The following PLCH1 variants were observed in gnomAD, a reference collection of about 807,000 sequenced individuals.
The protein encoded by PLCH1 is phospholipase C eta 1.
In PLCH1, 60 loss-of-function variants were observed where a neutral mutation model predicts 126.7. The ratio of observed to expected loss-of-function variants is 0.47; its 90% CI spans 0.38 to 0.59. The LOEUF is 0.59. PLCH1 is among the 20% of genes least tolerant of loss of function. PLCH1 has a pLI of 0.00. For missense variants in PLCH1, 1,723 were observed against 2,040.0 expected, an observed-to-expected ratio of 0.84 and a Z score of 2.99; for synonymous variants, 719 against 734.9, an observed-to-expected ratio of 0.98 and a Z score of 0.35.
At chr3:155,538,748 T>C (rs1403921298) in intron 10 of PLCH1, among the ~76,000 whole-genome samples, 1 of 151,784 alleles carries the variant, frequency 6.6e-6, no homozygotes. Context: ...CCGACTGAAA[T>C]GCTAATAAAA....
intron 2 of PLCH1, chr3:155,676,297 T>C (rs1300530666): frequency 1.7e-6 from 2 of 1,151,888 alleles, no homozygotes; most frequent in Non-Finnish European, 2.1e-6. Flanking sequence ...CACAGCCAGA[T>C]AAGCACGCTG....
intron 2 of PLCH1, among the ~76,000 whole-genome samples, chr3:155,680,154 G>C (rs1373191423): frequency 1.3e-5 from 2 of 152,178 alleles, no homozygotes; most frequent in Non-Finnish European, 2.9e-5. Flanking sequence ...GGAGGCTGAG[G>C]AGGGCAGATC....
chr3:155,593,840 A>G (rs1307666346), intron 4 of PLCH1, 101 bp downstream of exon 4: 27 of 1,218,620 alleles, frequency 2.2e-5, no homozygotes, highest in African/African-American at 3.0e-5. Context: ...AAGGAAAATT[A>G]TGGGAAAAAT....
chr3:155,458,467 AAAG>A (rs1466972366), intron 21 of PLCH1, among the ~76,000 whole-genome samples: 3 of 107,410 alleles, frequency 2.8e-5, no homozygotes, highest in African/African-American at 2.4e-4. Flanking sequence ...AGAAAGAAAG[AAAG>A]AAAGAAAGAA....
In PLCH1 at chr3:155,482,351, G is replaced by A; in HGVS notation, c.3675C>T (p.Gly1225=). 1 of 1,614,150 alleles carries A rather than the reference G, an allele frequency of 6.2e-7. No homozygotes were observed. The highest frequency in any genetic ancestry group is 8.5e-7 in the Non-Finnish European group (1 of 1,180,024). ...MSGHCPLPSL[G]LKMPIKHGFC... ...AACCATGCTTGATGGGCATTTTTAG[G>A]CCCAGGCTAGGCAAGGGACAATGGC... Residue 1225 remains glycine, a synonymous_variant, in exon 23 of 23, where the codon GGC becomes GGT. Transcript: ENST00000460012.
intron 9 of PLCH1, among the ~76,000 whole-genome samples, chr3:155,553,019 T>G (rs1318132337): frequency 6.6e-6 from 1 of 152,068 alleles, no homozygotes; most frequent in Non-Finnish European, 1.5e-5. Flanking sequence ...CCTTGGGGAG[T>G]AAGCTCCTTA....
intron 2 of PLCH1, among the ~76,000 whole-genome samples, chr3:155,642,010 TTAATA>T (rs1739454627): frequency 6.6e-6 from 1 of 152,304 alleles, no homozygotes; most frequent in African/African-American, 2.4e-5. Context: ...AGTGAATGCA[TTAATA>T]TAATAATAAA....
chr3:155,482,374 G>A lies in PLCH1; in HGVS notation c.3652C>T (p.His1218Tyr). Residue 1218 changes from histidine (H) to tyrosine (Y), a missense_variant, in exon 23 of 23, where the codon CAT (histidine) becomes TAT (tyrosine). His to Tyr is a moderately conservative substitution (Grantham distance 83, BLOSUM62 2). Coordinates refer to ENST00000460012, the MANE Select transcript of PLCH1 (RefSeq NM_014996.4). ...AGGCCCAGGCTAGGCAAGGGACAAT[G>A]GCCTGACATCACACTGGTATTATGA... Reference protein sequence around the residue: ...HLHNTSVMSGHCPLPSLGLKM... With the variant: ...HLHNTSVMSGYCPLPSLGLKM... 6.2e-7 allele frequency: 1 copy of A among 1,614,076 alleles called. No homozygotes were observed. The highest frequency in any genetic ancestry group is 8.5e-7 in the Non-Finnish European group (1 of 1,179,952).
intron 18 of PLCH1, 24 bp from the exon 19 acceptor site, chr3:155,490,892 A>G: frequency 8.2e-7 from 1 of 1,224,922 alleles, no homozygotes; most frequent in Non-Finnish European, 1.2e-6. Flanking sequence ...AGAAAGTACT[A>G]TTACAAATAA....
At chr3:155,716,587 G>A (rs1345070743) in intron 1 of PLCH1, among the ~76,000 whole-genome samples, 2 of 152,250 alleles carry the variant, frequency 1.3e-5, no homozygotes, top group East Asian at 1.9e-4. Flanking sequence ...AAGAGAATAC[G>A]ATGGGGGGTG....
chr3:155,480,777 G>T lies in PLCH1; in HGVS notation c.*191C>A. Reference sequence around the variant, plus strand: ...ACTCAAGGGAGAAAGATCATAATAGGTACATGGGAAATGTCACCAAATCTA... The same window carrying T: ...ACTCAAGGGAGAAAGATCATAATAGTTACATGGGAAATGTCACCAAATCTA... On this transcript the variant is annotated 3_prime_UTR_variant, in exon 23 of 23. Transcript: ENST00000460012. The T allele has an allele frequency of 1.7e-6, 1 of 577,124 alleles. No homozygotes were observed. The highest frequency in any genetic ancestry group is 3.1e-6 in the Non-Finnish European group (1 of 326,480). 35.8% of individuals were successfully genotyped at this position (577,124 alleles called of 1,614,324 possible). A position where few individuals can be genotyped will look rare whatever the true frequency, so the allele number is the denominator to read the frequency against.
intron 7 of PLCH1, among the ~76,000 whole-genome samples, chr3:155,565,776 A>C (rs1377679542): frequency 6.7e-6 from 1 of 149,712 alleles, no homozygotes; most frequent in Admixed American, 6.7e-5. Flanking sequence ...GCTCACTGCA[A>C]CCTCCGCCTC....
Position 155,701,186 on chromosome 3 carries a change from G to A in PLCH1, c.79+2960C>T, listed in dbSNP as rs562207275. The stretch of plus-strand genomic sequence containing the variant: ...TGAAATAGTAGGTAGATAAAAGGCC[G>A]GACATAAGCAGACTCTTAACAGTAG... On this transcript the variant is annotated intron_variant, in intron 2 of 22. Coordinates refer to ENST00000460012, the MANE Select transcript of PLCH1 (RefSeq NM_014996.4). Among the ~76,000 whole-genome samples the A allele has an allele frequency of 2.6e-5, 4 of 152,116 alleles. No individual in the cohort carries two copies. The South Asian group carries it at 8.3e-4, about 32-fold the overall frequency.
chr3:155,689,965 A>G (rs974715838), intron 2 of PLCH1, among the ~76,000 whole-genome samples: 47 of 152,050 alleles, frequency 3.1e-4, no homozygotes, highest in Non-Finnish European at 2.1e-4. Flanking sequence ...AAATAAGACT[A>G]TCTCAAAGCA....
chr3:155,724,554 TA>T (rs1748173359), intron 1 of PLCH1, among the ~76,000 whole-genome samples: 1 of 152,226 alleles, frequency 6.6e-6, no homozygotes, highest in Admixed American at 6.5e-5. Flanking sequence ...GATATAACAG[TA>T]GCTACTCTTG....
At chr3:155,741,564 G>C (rs1423007342) in intron 1 of PLCH1, among the ~76,000 whole-genome samples, 1 of 151,862 alleles carries the variant, frequency 6.6e-6, no homozygotes, top group Non-Finnish European at 1.5e-5. Context: ...TGTCATGGCT[G>C]TAATGGATTT....
At chr3:155,493,570 G>T (rs879284175) in intron 17 of PLCH1, among the ~76,000 whole-genome samples, 26 of 152,224 alleles carry the variant, frequency 1.7e-4, no homozygotes, top group Admixed American at 1.6e-3. Flanking sequence ...ATTTTCAGTA[G>T]AGACGGCGTT....
chr3:155,692,553 T>TTTTTGTTTTG (rs140149730), intron 2 of PLCH1, among the ~76,000 whole-genome samples: 11 of 150,660 alleles, frequency 7.3e-5, no homozygotes, highest in East Asian at 6.0e-4. Flanking sequence ...ACCATCATTG[T>TTTTTGTTTTG]TTTTGTTTTG....
intron 1 of PLCH1, among the ~76,000 whole-genome samples, chr3:155,740,470 G>A (rs2109214952): frequency 6.6e-6 from 1 of 151,696 alleles, no homozygotes; most frequent in East Asian, 1.9e-4. Flanking sequence ...AACAATATTA[G>A]GTTAAATCAT....
Sources: allele counts gnomAD v4.1 joint callset (sites outside exome capture counted in the v4.1 genomes callset), GRCh38; gene constraint gnomAD v4.1.1; transcripts MANE v1.5; gene names NCBI Gene and HGNC (gene_info 2026-07-23, HGNC 2026-07-21).